The following UST variants were observed in gnomAD, a reference collection of about 807,000 sequenced individuals.
The protein encoded by UST is uronyl 2-sulfotransferase.
UST carries 21 observed loss-of-function variants against 45.6 expected under a neutral mutation model. The observed-to-expected ratio is 0.46, with a 90% confidence interval of 0.33 to 0.66. UST has a LOEUF of 0.66. Among genes scored for constraint, UST ranks in the 30% least tolerant of loss-of-function variants. The pLI, the probability that UST is intolerant of heterozygous loss-of-function variation, is 0.02. For missense variants in UST, 463 were observed against 512.4 expected, an observed-to-expected ratio of 0.90 and a Z score of 0.93; for synonymous variants, 215 against 200.6, an observed-to-expected ratio of 1.07 and a Z score of -0.61.
chr6:149,070,707 C>T (rs970894586), intron 7 of UST, among the ~76,000 whole-genome samples: 11 of 152,148 alleles, frequency 7.2e-5, no homozygotes, highest in African/African-American at 2.7e-4. Flanking sequence ...GGGTATCCAT[C>T]CCCTCAAGCA....
Position 148,974,954 on chromosome 6 carries a change from G to A in UST, c.681+10391G>A, listed in dbSNP as rs373959226. ...CATTATTCACTCACTTCCGGGTTTTGTAATTAACCACTTGGATAAGACTTG... is the reference window on the plus strand; with the variant it reads ...CATTATTCACTCACTTCCGGGTTTTATAATTAACCACTTGGATAAGACTTG... On this transcript the variant is annotated intron_variant, in intron 5 of 7. Coordinates refer to ENST00000367463, the MANE Select transcript of UST (RefSeq NM_005715.3). Among the ~76,000 whole-genome samples, 149 of 152,312 alleles carry A rather than the reference G, an allele frequency of 9.8e-4. 3 individuals carry two copies. The South Asian group carries it at 0.029, about 30-fold the overall frequency.
intron 1 of UST, among the ~76,000 whole-genome samples, chr6:148,870,104 T>TCACA (rs60229120): frequency 0.03 from 4,306 of 141,516 alleles, 103 homozygotes; most frequent in East Asian, 0.054. Flanking sequence ...TGGTAATGTT[T>TCACA]CACACACACA....
chr6:148,748,435 G>A lies in UST; in HGVS notation c.247+758G>A, dbSNP rs1409335045. 7.5e-6 allele frequency among the ~76,000 whole-genome samples: 1 copy of A among 133,734 alleles called. No individual in the cohort carries two copies. Among genetic ancestry groups the A allele is most frequent in the Admixed American group, 7.2e-5 (1 of 13,826 alleles). 87.7% of individuals were successfully genotyped at this position (133,734 alleles called of 152,430 possible). A position where few individuals can be genotyped will look rare whatever the true frequency, so the allele number is the denominator to read the frequency against. On this transcript the variant is annotated intron_variant, in intron 1 of 7. Transcript: ENST00000367463. This position sits in a 1 kb window ranked among gnomAD's most constrained non-coding sequence, Gnocchi z 5.3. ...TGTGTGTGTGTGTGTGTGTGTGTGTGTGTGTGTGTGTGTGTGTGGTTTATT... is the reference window on the plus strand; with the variant it reads ...TGTGTGTGTGTGTGTGTGTGTGTGTATGTGTGTGTGTGTGTGTGGTTTATT...
At chr6:148,867,763 T>C (rs955591500) in intron 1 of UST, among the ~76,000 whole-genome samples, 4 of 152,192 alleles carry the variant, frequency 2.6e-5, no homozygotes, top group African/African-American at 9.7e-5. Flanking sequence ...TTTTTCTTTA[T>C]AAATTATCCA....
intron 2 of UST, among the ~76,000 whole-genome samples, chr6:148,917,358 G>T (rs897652588): frequency 2.0e-5 from 3 of 152,190 alleles, no homozygotes; most frequent in Non-Finnish European, 4.4e-5. Context: ...AACATTTAAT[G>T]AATAGAATTC....
intron 5 of UST, among the ~76,000 whole-genome samples, chr6:148,972,029 T>C (rs1290922014): frequency 6.6e-6 from 1 of 152,132 alleles, no homozygotes; most frequent in Non-Finnish European, 1.5e-5. Context: ...GGGGCAGCAA[T>C]GAGGGAGCAA....
chr6:148,921,925 C>T (rs1412649020), intron 2 of UST, among the ~76,000 whole-genome samples: 1 of 152,130 alleles, frequency 6.6e-6, no homozygotes, highest in African/African-American at 2.4e-5. Context: ...CCAGTCCCCA[C>T]CCTCTCCTCA....
In UST at chr6:149,074,124, G is replaced by A; in HGVS notation, c.*8G>A. ...GATATTTATAAGAGGTGATGTGACT[G>A]TGTTGCCTCTATGGCTTTATCTCCC... is the stretch of plus-strand genomic sequence containing the variant. On this transcript the variant is annotated 3_prime_UTR_variant, in exon 8 of 8. Coordinates refer to ENST00000367463, the MANE Select transcript of UST (RefSeq NM_005715.3). 1.2e-6 allele frequency: 2 copies of A among 1,612,120 alleles called. No individual in the cohort carries two copies. Among genetic ancestry groups the A allele is most frequent in the African/African-American group, 2.7e-5 (2 of 74,984 alleles).
intron 1 of UST, among the ~76,000 whole-genome samples, chr6:148,795,873 A>G (rs1009625364): frequency 6.6e-6 from 1 of 152,206 alleles, no homozygotes; most frequent in African/African-American, 2.4e-5. Context: ...ACAACCATTA[A>G]TTTTGTTTTA....
chr6:148,758,576 C>T (rs112690244), intron 1 of UST, among the ~76,000 whole-genome samples: 2 of 152,180 alleles, frequency 1.3e-5, no homozygotes, highest in African/African-American at 2.4e-5. Flanking sequence ...CCATTCATGA[C>T]GAAACTACCA....
intron 1 of UST, among the ~76,000 whole-genome samples, chr6:148,850,174 G>T (rs1778077329): frequency 6.6e-6 from 1 of 152,102 alleles, no homozygotes; most frequent in African/African-American, 2.4e-5. Flanking sequence ...CTGTGATACA[G>T]ATACTATTAT....
At chr6:148,813,840 C>G (rs1218493715) in intron 1 of UST, among the ~76,000 whole-genome samples, 1 of 152,096 alleles carries the variant, frequency 6.6e-6, no homozygotes. Context: ...CTATATCAGG[C>G]AATTTTTGAA....
At chr6:148,833,731 G>A (rs1004011108) in intron 1 of UST, among the ~76,000 whole-genome samples, 4 of 152,154 alleles carry the variant, frequency 2.6e-5, no homozygotes, top group African/African-American at 9.7e-5. Flanking sequence ...GTTGTTCACT[G>A]TCTAGATCTC....
chr6:148,936,547 A>G (rs185361713), intron 2 of UST, among the ~76,000 whole-genome samples: 4 of 145,298 alleles, frequency 2.8e-5, no homozygotes, highest in African/African-American at 1.0e-4. Context: ...GGACAGGGTC[A>G]GTCCCTCCCT....
At chr6:148,794,459 G>A (rs1021177093) in intron 1 of UST, among the ~76,000 whole-genome samples, 2 of 152,182 alleles carry the variant, frequency 1.3e-5, no homozygotes, top group Non-Finnish European at 2.9e-5. Flanking sequence ...TGCTAGAGTG[G>A]TGTGATTAGA....
intron 5 of UST, among the ~76,000 whole-genome samples, chr6:148,965,588 T>A (rs1205847585): frequency 6.6e-6 from 1 of 152,226 alleles, no homozygotes; most frequent in Non-Finnish European, 1.5e-5. Context: ...CTTCCTCATC[T>A]CATTTTAAAA....
At chr6:148,912,115 T>C (rs1779487567) in intron 2 of UST, among the ~76,000 whole-genome samples, 1 of 152,250 alleles carries the variant, frequency 6.6e-6, no homozygotes, top group Non-Finnish European at 1.5e-5. Flanking sequence ...GAGAATCGTC[T>C]GAACCTTGGA....
intron 2 of UST, among the ~76,000 whole-genome samples, chr6:148,896,418 G>A (rs1779130668): frequency 1.3e-5 from 2 of 152,180 alleles, no homozygotes; most frequent in South Asian, 2.1e-4. Context: ...CTTCCATGTG[G>A]CCACAGCTCC....
intron 1 of UST, among the ~76,000 whole-genome samples, chr6:148,756,427 A>T (rs561733635): frequency 3.3e-5 from 5 of 152,322 alleles, no homozygotes; most frequent in South Asian, 4.1e-4. Flanking sequence ...GGACTAATAC[A>T]CTGTCATTCA....
Sources: allele counts gnomAD v4.1 joint callset (sites outside exome capture counted in the v4.1 genomes callset), GRCh38; gene constraint gnomAD v4.1.1; non-coding constraint Gnocchi (gnomAD v3.1); transcripts MANE v1.5; gene names NCBI Gene and HGNC (gene_info 2026-07-23, HGNC 2026-07-21).